The following FBF1 variants were observed in gnomAD, a reference collection of about 807,000 sequenced individuals.
FBF1 encodes the protein fas-binding factor 1.
Under a neutral mutation model 147.2 loss-of-function variants are expected in FBF1, and 119 were observed. That is an observed-to-expected ratio of 0.81 (90% confidence interval 0.70 to 0.94). FBF1 has a LOEUF of 0.94. Ranked by LOEUF, FBF1 falls within the 40% of genes least tolerant of loss-of-function variation. The pLI is 0.00. For synonymous variants in FBF1, 601 were observed against 609.0 expected, an observed-to-expected ratio of 0.99 and a Z score of 0.19; for missense variants, 1,449 against 1,500.8, an observed-to-expected ratio of 0.97 and a Z score of 0.57.
rs1232854872 is a variant in FBF1, at chr17:75,921,311, TCAA to T, written c.1616-12_1616-10del. Reference sequence around the variant, plus strand: ...GAAACACGTGGCAGGCTCTGAAACATCAACAACAGAGAAATGAACAGGAGGCCC... The same window carrying T: ...GAAACACGTGGCAGGCTCTGAAACATCAACAGAGAAATGAACAGGAGGCCC... On this transcript the variant is annotated splice_polypyrimidine_tract_variant and intron_variant, in intron 16 of 29. Transcript: ENST00000636174. 3.8e-6 allele frequency: 6 copies of T among 1,586,512 alleles called. No individual in the cohort carries two copies. The East Asian group carries it at 6.9e-5, about 18-fold the overall frequency.
chr17:75,919,574 G>A lies in FBF1; in HGVS notation c.2138+94C>T. On this transcript the variant is annotated intron_variant, in intron 20 of 29. Coordinates refer to ENST00000636174, the MANE Select transcript of FBF1 (RefSeq NM_001319193.2). This position sits in a 1 kb window ranked among gnomAD's most constrained non-coding sequence, Gnocchi z 5.0. ...GGAAGGACCCAACCCCTGTCCAAAG[G>A]CTGCTGAGCCACAGCGAAGGGTCTC... is the stretch of plus-strand genomic sequence containing the variant. 7.1e-7 allele frequency: 1 copy of A among 1,403,482 alleles called. No homozygotes were observed. Among genetic ancestry groups the A allele is most frequent in the Admixed American group, 2.0e-5 (1 of 48,916 alleles). The allele number at this position is 1,403,482 out of a possible 1,614,324, so 86.9% of individuals were successfully genotyped here. A position where few individuals can be genotyped will look rare whatever the true frequency, so the allele number is the denominator to read the frequency against.
intron 6 of FBF1, 121 bp from the exon 7 acceptor site, chr17:75,930,168 G>T: frequency 2.7e-6 from 2 of 739,120 alleles, no homozygotes; most frequent in Non-Finnish European, 2.3e-6. Context: ...AGCAGAGCTT[G>T]GCCAATGGAG....
At chr17:75,921,355 CGA>C in intron 16 of FBF1, 53 bp from the exon 17 acceptor site, 1 of 1,560,798 alleles carries the variant, frequency 6.4e-7, no homozygotes, top group South Asian at 1.2e-5. Flanking sequence ...ACTGGGCCTG[CGA>C]GTGTCCAGGA....
At chr17:75,920,172 G>T in intron 18 of FBF1, 65 bp from the exon 19 acceptor site, 1 of 1,586,220 alleles carries the variant, frequency 6.3e-7, no homozygotes, top group Middle Eastern at 2.2e-4. Context: ...GCTGCCCTGT[G>T]CCAACAGCCC....
At chr17:75,929,362 A>G (rs879069240) in intron 7 of FBF1, among the ~76,000 whole-genome samples, 3 of 152,182 alleles carry the variant, frequency 2.0e-5, no homozygotes, top group South Asian at 2.1e-4. Flanking sequence ...AAAATACACA[A>G]CAAAAACAAG....
chr17:75,912,113 C>A (rs1393561067), intron 29 of FBF1, 79 bp downstream of exon 29: 2 of 1,394,638 alleles, frequency 1.4e-6, no homozygotes, highest in African/African-American at 2.9e-5. Flanking sequence ...CCCAGGGCTA[C>A]CATGTGCTCC....
chr17:75,933,757 T>G (rs1325231443), intron 4 of FBF1, among the ~76,000 whole-genome samples: 1 of 152,182 alleles, frequency 6.6e-6, no homozygotes, highest in Non-Finnish European at 1.5e-5. Context: ...GCAAAGGATC[T>G]GAACAGACAT....
intron 6 of FBF1, 66 bp downstream of exon 6, chr17:75,931,163 G>T: frequency 1.3e-6 from 2 of 1,518,914 alleles, no homozygotes; most frequent in Non-Finnish European, 1.8e-6. Flanking sequence ...CAGCCCCTTG[G>T]CCACAACACC....
chr17:75,915,137 T>C lies in FBF1; in HGVS notation c.2508A>G (p.Glu836=). ...ACTGCTCGGCAGTCACCCGCCAGCG[T>C]TCCTGTAGGGCCCAGGGCAGGACTG... ...LNEQSRLLEQ[E]RWRVTAEQSK... is the part of the protein sequence containing the mutation. Residue 836 remains glutamate (E), a splice_region_variant and synonymous_variant, in exon 24 of 30, where the codon GAA becomes GAG. Coordinates refer to ENST00000636174, the MANE Select transcript of FBF1 (RefSeq NM_001319193.2). 6.2e-7 allele frequency: 1 copy of C among 1,609,108 alleles called. No homozygotes were observed. The highest frequency in any genetic ancestry group is 1.1e-5 in the South Asian group (1 of 90,728).
chr17:75,934,617 A>G (rs2065612782), intron 4 of FBF1, among the ~76,000 whole-genome samples: 2 of 150,314 alleles, frequency 1.3e-5, no homozygotes, highest in Non-Finnish European at 3.0e-5. Context: ...GTGGCTCAAT[A>G]CCTGTAATCC....
At chr17:75,936,703 C>T (rs2065627465) in intron 3 of FBF1, among the ~76,000 whole-genome samples, 1 of 151,982 alleles carries the variant, frequency 6.6e-6, no homozygotes, top group South Asian at 2.1e-4. Flanking sequence ...ACACAACTAT[C>T]TGAAAGGATG....
In FBF1 at chr17:75,925,225, G is replaced by A. The variant is rs911873458; in HGVS notation, c.968+122C>T. The A allele has an allele frequency of 8.8e-6, 6 of 685,372 alleles. No homozygotes were observed. Among genetic ancestry groups the A allele is most frequent in the African/African-American group, 1.8e-5 (1 of 55,136 alleles). 42.5% of individuals were successfully genotyped at this position (685,372 alleles called of 1,614,324 possible). A position where few individuals can be genotyped will look rare whatever the true frequency, so the allele number is the denominator to read the frequency against. ...TCCTTCAGCACCTGCAGAGCTGAGG[G>A]CCTTGTACCCTGTGGCCTCCCACAT... On this transcript the variant is annotated intron_variant, in intron 13 of 29. Coordinates refer to ENST00000636174, the MANE Select transcript of FBF1 (RefSeq NM_001319193.2). The surrounding 1 kb of genome is among the most constrained non-coding windows in gnomAD (Gnocchi z 5.0).
Position 75,923,487 on chromosome 17 carries a change from T to C in FBF1, c.1123A>G (p.Thr375Ala), listed in dbSNP as rs748626831. The C allele has an allele frequency of 2.5e-6, 4 of 1,607,952 alleles. No individual in the cohort carries two copies. Among genetic ancestry groups the C allele is most frequent in the Non-Finnish European group, 3.4e-6 (4 of 1,177,566 alleles). Residue 375 changes from threonine (T) to alanine (A), a missense_variant, in exon 14 of 30, where the codon ACC becomes GCC. Physicochemically the swap from Thr to Ala is moderately conservative, Grantham distance 58. Transcript: ENST00000636174. The surrounding 1 kb of genome is among the most constrained non-coding windows in gnomAD (Gnocchi z 4.1). ...EDLDLFPASP[T>A]REAHRESSVP... ...GAACTTTCCCGATGGGCCTCTCTGGTGGGTGAGGCAGGGAACAGGTCCAAG... is the reference window on the plus strand; with the variant it reads ...GAACTTTCCCGATGGGCCTCTCTGGCGGGTGAGGCAGGGAACAGGTCCAAG...
intron 17 of FBF1, 147 bp downstream of exon 17, chr17:75,921,097 G>C (rs2065523208): frequency 1.3e-6 from 1 of 783,878 alleles, no homozygotes; most frequent in Non-Finnish European, 2.1e-6. Flanking sequence ...TCTAGTGGGG[G>C]GTGCCCGGGG....
chr17:75,923,047 A>G lies in FBF1; in HGVS notation c.1424+139T>C, dbSNP rs2144172736. The G allele has an allele frequency of 1.2e-6, 1 of 834,624 alleles. No individual in the cohort carries two copies. Among genetic ancestry groups the G allele is most frequent in the Admixed American group, 2.9e-5 (1 of 34,408 alleles). The allele number at this position is 834,624 out of a possible 1,614,324, so 51.7% of individuals were successfully genotyped here. On this transcript the variant is annotated intron_variant, in intron 14 of 29. Coordinates refer to ENST00000636174, the MANE Select transcript of FBF1 (RefSeq NM_001319193.2). This position sits in a 1 kb window ranked among gnomAD's most constrained non-coding sequence, Gnocchi z 4.1. ...CCTAAAAGGCAGAGTAGCAAAGCCA[A>G]GAAGCGGCCTCTGTGGCCACGGCGC...
At position 75,926,786 on chromosome 17, in the gene FBF1, G is replaced by A. The variant is rs750667049; in HGVS notation, c.567C>T (p.Asp189=). 2 of 1,613,854 alleles carry A rather than the reference G, an allele frequency of 1.2e-6. No individual in the cohort carries two copies. Among genetic ancestry groups the A allele is most frequent in the Admixed American group, 1.7e-5 (1 of 60,000 alleles). ...GATCTCTCACTGTGCTGGGGCTCTT[G>A]TCAGAAGCTGTTTTACTCTGTGTCA... ...PPVTQSKTAS[D]KSPSTVRDQG... The change falls in exon 10 of 30, where the codon GAC becomes GAT. Residue 189 remains aspartate, a synonymous_variant. Coordinates refer to ENST00000636174, the MANE Select transcript of FBF1 (RefSeq NM_001319193.2).
chr17:75,934,555 CAAAAA>C (rs974439444), intron 4 of FBF1, among the ~76,000 whole-genome samples: 1 of 84,372 alleles, frequency 1.2e-5, no homozygotes, highest in Non-Finnish European at 2.3e-5. Flanking sequence ...GACTCTGTCT[CAAAAA>C]AAAAAAAAAA....
At position 75,926,129 on chromosome 17, in the gene FBF1, C is replaced by A; in HGVS notation, c.769G>T (p.Glu257Ter). The change falls in exon 12 of 30, where the codon GAG becomes TAG. Residue 257 changes from glutamate to a stop codon, truncating the protein, a stop_gained. Coordinates refer to ENST00000636174, the MANE Select transcript of FBF1 (RefSeq NM_001319193.2). LOFTEE classifies it high-confidence loss of function. ...GPRPARSTLD[E>*]LLGRGMATKL... is the part of the protein sequence containing the mutation. ...GTGGCCATGCCTCGACCCAGCAGCT[C>A]ATCCAGCGTGGAGCGAGCAGGGCGA... The A allele has an allele frequency of 6.2e-7, 1 of 1,610,824 alleles. No homozygotes were observed. Among genetic ancestry groups the A allele is most frequent in the Non-Finnish European group, 8.5e-7 (1 of 1,179,062 alleles).
rs1003768999 is a variant in FBF1, at chr17:75,928,019, C to G, written c.397+57G>C. The G allele has an allele frequency of 6.0e-5, 86 of 1,422,298 alleles. No individual in the cohort carries two copies. The African/African-American group carries it at 1.2e-3, about 19-fold the overall frequency. The allele number at this position is 1,422,298 out of a possible 1,614,324, so 88.1% of individuals were successfully genotyped here. A position where few individuals can be genotyped will look rare whatever the true frequency, so the allele number is the denominator to read the frequency against. On this transcript the variant is annotated intron_variant, in intron 8 of 29. Transcript: ENST00000636174. This position sits in a 1 kb window ranked among gnomAD's most constrained non-coding sequence, Gnocchi z 4.2. The stretch of plus-strand genomic sequence containing the variant: ...GCATCTTCCACGTCCTCAAAGTCTC[C>G]CTAGCAGATGCGAGGAGCCGTCTCC...
Sources: allele counts gnomAD v4.1 joint callset (sites outside exome capture counted in the v4.1 genomes callset), GRCh38; gene constraint gnomAD v4.1.1; non-coding constraint Gnocchi (gnomAD v3.1); transcripts MANE v1.5; gene names NCBI Gene and HGNC (gene_info 2026-07-23, HGNC 2026-07-21).